The following TENM2 variants were observed in gnomAD, a reference collection of about 807,000 sequenced individuals.
TENM2 encodes teneurin transmembrane protein 2, also known as teneurin-2.
Under a neutral mutation model 245.2 loss-of-function variants are expected in TENM2, and 52 were observed. The ratio of observed to expected loss-of-function variants is 0.21; its 90% CI spans 0.17 to 0.27. The LOEUF (loss-of-function observed/expected upper bound fraction) is 0.27, where lower values mean the gene tolerates loss of function less well. TENM2 is among the 10% of genes least tolerant of loss of function. The pLI, the probability that TENM2 is intolerant of heterozygous loss-of-function variation, is 1.00. For missense variants in TENM2, 3,046 were observed against 3,666.8 expected (o/e 0.83, Z 4.37); for synonymous variants, 1,363 against 1,438.9 (o/e 0.95, Z 1.19).
In TENM2 at chr5:167,716,934, TTATTTTATTC is replaced by T. The variant is rs1196568003; in HGVS notation, c.503-159047_503-159038del. On this transcript the variant is annotated intron_variant, in intron 2 of 28. Transcript: ENST00000518659. ...TTATTTTATTTTATTTTATTTTATTTTATTTTATTCTATTCTATTCTATTTTATTTTATTT... is the reference window on the plus strand; with the variant it reads ...TTATTTTATTTTATTTTATTTTATTTTATTCTATTCTATTTTATTTTATTT... 7.6e-3 allele frequency among the ~76,000 whole-genome samples: 967 copies of T among 127,368 alleles called. 7 individuals carry two copies. Among genetic ancestry groups the T allele is most frequent in the African/African-American group, 0.03 (735 of 24,580 alleles). The allele number at this position is 127,368 out of a possible 152,430, so 83.6% of individuals were successfully genotyped here.
intron 2 of TENM2, among the ~76,000 whole-genome samples, chr5:167,533,234 A>G (rs1482285515): frequency 6.6e-6 from 1 of 152,186 alleles, no homozygotes; most frequent in African/African-American, 2.4e-5. Context: ...AAAGCAAAAC[A>G]GTGGATTCGG....
chr5:167,719,720 G>C (rs1475974399), intron 2 of TENM2, among the ~76,000 whole-genome samples: 1 of 152,182 alleles, frequency 6.6e-6, no homozygotes, highest in Non-Finnish European at 1.5e-5. Flanking sequence ...AACCAGTGGC[G>C]ATTTTGCCAC....
chr5:167,753,140 T>G (rs1484265993), intron 2 of TENM2, among the ~76,000 whole-genome samples: 1 of 152,186 alleles, frequency 6.6e-6, no homozygotes, highest in Non-Finnish European at 1.5e-5. Context: ...CGTTTGAGAT[T>G]ATGCAATTTA....
chr5:167,504,405 A>C (rs1048934208), intron 2 of TENM2, among the ~76,000 whole-genome samples: 1 of 152,210 alleles, frequency 6.6e-6, no homozygotes, highest in Non-Finnish European at 1.5e-5. Context: ...TAAAACTTGC[A>C]AAAGCAATGT....
chr5:167,976,439 A>G (rs1782452436), intron 4 of TENM2, among the ~76,000 whole-genome samples: 1 of 152,180 alleles, frequency 6.6e-6, no homozygotes. Flanking sequence ...GTTTGTGAAG[A>G]CCTGCAGTAA....
chr5:167,855,828 AGGGAGAGAGGGAGGG>A lies in TENM2; in HGVS notation c.503-20157_503-20143del, dbSNP rs2151241365. ...GAGGGAGGGAAGAAGGAAGGAAGGG[AGGGAGAGAGGGAGGG>A]AGGGAAGGAATGAGGGAGGGAGGAA... On this transcript the variant is annotated intron_variant, in intron 2 of 28. Coordinates refer to ENST00000518659, the Ensembl canonical transcript of TENM2. Among the ~76,000 whole-genome samples, 18 of 38,824 alleles carry A rather than the reference AGGGAGAGAGGGAGGG, an allele frequency of 4.6e-4. No homozygotes were observed. In the South Asian group the frequency reaches 0.02, roughly 44 times the overall value. The allele number at this position is 38,824 out of a possible 152,430, so 25.5% of individuals were successfully genotyped here. A position where few individuals can be genotyped will look rare whatever the true frequency, so the allele number is the denominator to read the frequency against.
At chr5:167,265,098 C>T in the TENM2 span, among the ~76,000 whole-genome samples, 1 of 151,450 alleles carries the variant, frequency 6.6e-6, no homozygotes, top group South Asian at 2.1e-4. Flanking sequence ...GAGACCGAGG[C>T]GAGTGGATCA....
chr5:167,460,376 A>T (rs1038240919), intron 2 of TENM2, among the ~76,000 whole-genome samples: 1 of 152,074 alleles, frequency 6.6e-6, no homozygotes, highest in African/African-American at 2.4e-5. Context: ...ATCTCCCACT[A>T]TTTTTCCAGC....
At chr5:167,532,015 TTTTC>T (rs1224529841) in intron 2 of TENM2, among the ~76,000 whole-genome samples, 3 of 152,148 alleles carry the variant, frequency 2.0e-5, no homozygotes, top group African/African-American at 4.8e-5. Flanking sequence ...TTACTTAGAA[TTTTC>T]TTCAAACACG....
chr5:168,065,923 G>A (rs779246641), intron 7 of TENM2, among the ~76,000 whole-genome samples: 3 of 148,212 alleles, frequency 2.0e-5, no homozygotes, highest in Admixed American at 1.4e-4. Flanking sequence ...TGCCCTCCCC[G>A]ACTCCCACCC....
intron 1 of TENM2, among the ~76,000 whole-genome samples, chr5:167,336,202 C>CA (rs1757745144): frequency 4.2e-5 from 4 of 94,984 alleles, no homozygotes. Context: ...TTTTTTTTTC[C>CA]GGTCAGGGTA....
intron 17 of TENM2, among the ~76,000 whole-genome samples, chr5:168,202,308 A>G (rs1485485993): frequency 6.6e-6 from 1 of 152,052 alleles, no homozygotes; most frequent in African/African-American, 2.4e-5. Context: ...GAGTTGATTC[A>G]TTGTCCAGGG....
At chr5:168,179,134 GAAAAAAAAAAA>G (rs35502066) in intron 13 of TENM2, among the ~76,000 whole-genome samples, 1 of 99,952 alleles carries the variant, frequency 1.0e-5, no homozygotes, top group Non-Finnish European at 1.9e-5. Flanking sequence ...GACTCTGCCT[GAAAAAAAAAAA>G]AAAAAAAAAA....
chr5:167,616,921 A>G (rs1343508243), intron 2 of TENM2, among the ~76,000 whole-genome samples: 1 of 152,022 alleles, frequency 6.6e-6, no homozygotes, highest in East Asian at 1.9e-4. Context: ...TTCTGTAGGG[A>G]GGCCTTCCAT....
At chr5:167,929,585 A>G (rs1450866890) in intron 3 of TENM2, among the ~76,000 whole-genome samples, 7 of 152,170 alleles carry the variant, frequency 4.6e-5, no homozygotes, top group Non-Finnish European at 1.0e-4. Flanking sequence ...CATCACAATC[A>G]GGCTCAGGCA....
intron 2 of TENM2, among the ~76,000 whole-genome samples, chr5:167,470,454 C>CTTTTTTTTTTTTTTTT (rs749016436): frequency 0.015 from 696 of 47,324 alleles, 81 homozygotes; most frequent in Middle Eastern, 0.029. Context: ...GCAATGCTTG[C>CTTTTTTTTTTTTTTTT]TTTTTTTTTT....
chr5:167,723,571 C>T (rs1488500470), intron 2 of TENM2, among the ~76,000 whole-genome samples: 5 of 152,212 alleles, frequency 3.3e-5, no homozygotes, highest in Non-Finnish European at 5.9e-5. Context: ...CATTTGAACT[C>T]AGTTTCTTCT....
intron 2 of TENM2, among the ~76,000 whole-genome samples, chr5:167,820,746 C>T (rs886660416): frequency 2.6e-5 from 4 of 152,200 alleles, no homozygotes; most frequent in African/African-American, 7.2e-5. Flanking sequence ...ATCTTGCTAG[C>T]CTTTTAGAGC....
intron 4 of TENM2, among the ~76,000 whole-genome samples, chr5:167,970,613 C>G (rs74333568): frequency 0.013 from 2,015 of 152,264 alleles, 52 homozygotes; most frequent in African/African-American, 0.046. Flanking sequence ...TCCTAATATT[C>G]TCAGCAATGC....
Sources: gnomAD v4.1 joint callset for allele counts (sites outside exome capture counted in the v4.1 genomes callset) on GRCh38, gnomAD v4.1.1 for gene constraint, MANE v1.5 for transcripts, NCBI Gene and HGNC (gene_info 2026-07-23, HGNC 2026-07-21) for gene names.